Variants in SLX4IP observed in about 807,000 individuals in gnomAD.
SLX4IP encodes SLX4 interacting protein.
Under a neutral mutation model 32.9 loss-of-function variants are expected in SLX4IP, and 34 were observed. The observed-to-expected ratio is 1.03, with a 90% confidence interval of 0.79 to 1.38. The LOEUF (loss-of-function observed/expected upper bound fraction) is 1.38. Ranked by LOEUF, SLX4IP falls within the 40% of genes most tolerant of loss-of-function variation. SLX4IP has a pLI of 0.00. For synonymous variants in SLX4IP, 172 were observed against 171.7 expected (o/e 1.00, Z -0.01); for missense variants, 444 against 479.0 (o/e 0.93, Z 0.68).
intron 4 of SLX4IP, among the ~76,000 whole-genome samples, chr20:10,595,851 G>T (rs1030796790): frequency 6.6e-6 from 1 of 152,130 alleles, no homozygotes; most frequent in Non-Finnish European, 1.5e-5. Context: ...GATTAAGCAG[G>T]TGCAAATCTT....
intron 3 of SLX4IP, among the ~76,000 whole-genome samples, chr20:10,558,584 CT>C (rs1364943822): frequency 6.6e-6 from 1 of 152,036 alleles, no homozygotes; most frequent in Non-Finnish European, 1.5e-5. Flanking sequence ...TATCCAGTTC[CT>C]TTTTAGAAAA....
intron 2 of SLX4IP, among the ~76,000 whole-genome samples, chr20:10,527,897 C>T (rs778737938): frequency 2.4e-4 from 37 of 152,100 alleles, no homozygotes; most frequent in Admixed American, 1.0e-3. Context: ...TTCCATCCTG[C>T]TTTTTCATTT....
chr20:10,557,500 T>G (rs2066279359), intron 3 of SLX4IP, among the ~76,000 whole-genome samples: 1 of 152,176 alleles, frequency 6.6e-6, no homozygotes, highest in Admixed American at 6.5e-5. Context: ...CTACTGCCAC[T>G]TACCTTCATA....
intron 2 of SLX4IP, among the ~76,000 whole-genome samples, chr20:10,544,686 CT>C (rs1465623737): frequency 2.0e-5 from 3 of 151,296 alleles, no homozygotes; most frequent in East Asian, 1.9e-4. Flanking sequence ...CATGCTCAGC[CT>C]TTTTTTTTCT....
At chr20:10,533,055 G>A (rs765524741) in intron 2 of SLX4IP, among the ~76,000 whole-genome samples, 2 of 152,094 alleles carry the variant, frequency 1.3e-5, no homozygotes, top group Non-Finnish European at 2.9e-5. Flanking sequence ...GATTGCAGGG[G>A]TGAGCCACCA....
At position 10,601,805 on chromosome 20, in the gene SLX4IP, C is replaced by A; in HGVS notation, c.391C>A (p.Gln131Lys). The A allele has an allele frequency of 1.2e-6, 2 of 1,613,662 alleles. No individual in the cohort carries two copies. Among genetic ancestry groups the A allele is most frequent in the South Asian group, 2.2e-5 (2 of 91,040 alleles). The change falls in exon 6 of 8, where the codon CAG becomes AAG. Residue 131 changes from glutamine (Q) to lysine (K), a missense_variant. Coordinates refer to ENST00000334534, the MANE Select transcript of SLX4IP (RefSeq NM_001009608.3). Reference sequence around the variant, plus strand: ...ATTCAGTCGTGATCTTTTAGCAAGTCAGAATGAAGATTTGGTGAGTATGAA... The same window carrying A: ...ATTCAGTCGTGATCTTTTAGCAAGTAAGAATGAAGATTTGGTGAGTATGAA... ...LAFSRDLLAS[Q>K]NEDLTERVLH...
In SLX4IP at chr20:10,524,417, C is replaced by T. The variant is rs1014426021; in HGVS notation, c.28-31814C>T. On this transcript the variant is annotated intron_variant, in intron 2 of 7. Coordinates refer to ENST00000334534, the MANE Select transcript of SLX4IP (RefSeq NM_001009608.3). ...CCGCCCTGCCTTAGTTCCACGTTGC[C>T]GAGAAACATGAAATGATTGTTCCGT... Among the ~76,000 whole-genome samples the T allele has an allele frequency of 5.3e-5, 8 of 152,082 alleles. No individual in the cohort carries two copies. In the South Asian group the frequency reaches 1.2e-3, roughly 24 times the overall value.
At chr20:10,518,082 T>C (rs1726886811) in intron 2 of SLX4IP, among the ~76,000 whole-genome samples, 1 of 152,032 alleles carries the variant, frequency 6.6e-6, no homozygotes, top group African/African-American at 2.4e-5. Flanking sequence ...CACCTAGGTG[T>C]TGGGTTGATC....
At chr20:10,509,528 G>C (rs1245475192) in intron 2 of SLX4IP, among the ~76,000 whole-genome samples, 1 of 152,156 alleles carries the variant, frequency 6.6e-6, no homozygotes, top group Non-Finnish European at 1.5e-5. Context: ...CCCAAGTGTG[G>C]TAGGATATCG....
intron 2 of SLX4IP, among the ~76,000 whole-genome samples, chr20:10,554,449 C>A (rs914414753): frequency 6.6e-6 from 1 of 152,150 alleles, no homozygotes; most frequent in Non-Finnish European, 1.5e-5. Flanking sequence ...TGAGTAAACA[C>A]CTGGGAAGGA....
chr20:10,603,719 G>A (rs891410551), intron 6 of SLX4IP, among the ~76,000 whole-genome samples: 1 of 152,102 alleles, frequency 6.6e-6, no homozygotes, highest in African/African-American at 2.4e-5. Flanking sequence ...CGGGGCTCAA[G>A]CTCTGTGCGT....
At chr20:10,554,682 C>A (rs1476398825) in intron 2 of SLX4IP, among the ~76,000 whole-genome samples, 1 of 151,980 alleles carries the variant, frequency 6.6e-6, no homozygotes, top group Admixed American at 6.6e-5. Context: ...TTTAATTTGC[C>A]TGATGACTAA....
At chr20:10,449,952 TA>T (rs55747326) in intron 1 of SLX4IP, among the ~76,000 whole-genome samples, 18,657 of 147,082 alleles carry the variant, frequency 0.13, 1,231 homozygotes, top group East Asian at 0.16. Flanking sequence ...TTGATAAAAG[TA>T]AAAAAAAAAA....
chr20:10,456,840 C>T (rs116435193), intron 1 of SLX4IP, among the ~76,000 whole-genome samples: 155 of 152,230 alleles, frequency 1.0e-3, no homozygotes, highest in East Asian at 2.9e-3. Context: ...CTATATTAAC[C>T]GCTTTAAGTC....
chr20:10,619,217 C>CTTTTTTTTTTTTTTTTTTTTTTT (rs59741153), intron 6 of SLX4IP, among the ~76,000 whole-genome samples: 3 of 126,650 alleles, frequency 2.4e-5, no homozygotes, highest in South Asian at 2.6e-4. Context: ...CTTTTTTTTT[C>CTTTTTTTTTTTTTTTTTTTTTTT]TTTTTTTTTT....
intron 6 of SLX4IP, among the ~76,000 whole-genome samples, chr20:10,615,415 A>G (rs2067014402): frequency 6.6e-6 from 1 of 151,986 alleles, no homozygotes; most frequent in African/African-American, 2.4e-5. Context: ...CTCCTCACTG[A>G]TGCTTCCCTC....
At chr20:10,621,557 ACTCT>A in intron 7 of SLX4IP, 143 bp downstream of exon 7, 1 of 695,274 alleles carries the variant, frequency 1.4e-6, no homozygotes, top group Non-Finnish European at 2.5e-6. Context: ...CTCCCTCCTG[ACTCT>A]CTTGCTTTCT....
At chr20:10,622,629 A>G in intron 7 of SLX4IP, 30 bp from the exon 8 acceptor site, 1 of 1,574,622 alleles carries the variant, frequency 6.4e-7, no homozygotes, top group East Asian at 2.2e-5. Flanking sequence ...ACAGCTTTAC[A>G]AACCATAAAA....
rs866524530 is a variant in SLX4IP at position 10,453,731 on chromosome 20, G to A, written c.-29-4445G>A. Reference sequence around the variant, plus strand: ...TCTCCACCTCCTACTACCCCCCAACGCACTTAAAAAAAATTTTTTTTTTAT... The same window carrying A: ...TCTCCACCTCCTACTACCCCCCAACACACTTAAAAAAAATTTTTTTTTTAT... On this transcript the variant is annotated intron_variant, in intron 1 of 7. Coordinates refer to ENST00000334534, the MANE Select transcript of SLX4IP (RefSeq NM_001009608.3). 2.6e-4 allele frequency among the ~76,000 whole-genome samples: 32 copies of A among 121,382 alleles called. 1 individual carries two copies. The highest frequency in any genetic ancestry group is 1.8e-4 in the Admixed American group (2 of 11,404). 79.6% of individuals were successfully genotyped at this position (121,382 alleles called of 152,430 possible). A position where few individuals can be genotyped will look rare whatever the true frequency, so the allele number is the denominator to read the frequency against.
Sources: allele counts gnomAD v4.1 joint callset (sites outside exome capture counted in the v4.1 genomes callset), GRCh38; gene constraint gnomAD v4.1.1; transcripts MANE v1.5; gene names NCBI Gene and HGNC (gene_info 2026-07-23, HGNC 2026-07-21).